IKBKB-DT: variants seen among roughly 807,000 people sequenced by gnomAD.
IKBKB-DT encodes the protein IKBKB divergent transcript, also known as IKBKB antisense RNA.
At chr8:42,269,169 A>T (rs77634596) in intron 1 of IKBKB-DT, among the ~76,000 whole-genome samples, 187 of 150,930 alleles carry the variant, frequency 1.2e-3, no homozygotes, top group Non-Finnish European at 2.3e-3. Flanking sequence ...AAAATTTAAA[A>T]ATTAGCTGGT....
chr8:42,262,569 A>G (rs947457976), intron 3 of IKBKB-DT, among the ~76,000 whole-genome samples: 7 of 151,878 alleles, frequency 4.6e-5, no homozygotes, highest in Non-Finnish European at 1.0e-4. Context: ...CCTCCTGAGT[A>G]GCTGGGACTA....
chr8:42,241,785 A>G (rs938731450), intron 3 of IKBKB-DT, among the ~76,000 whole-genome samples: 2 of 152,210 alleles, frequency 1.3e-5, no homozygotes, highest in Non-Finnish European at 1.5e-5. Flanking sequence ...CAGTGGTAAA[A>G]GTCATGTTAA....
rs1044006086 is a variant in IKBKB-DT, at chr8:42,235,738, C to T, written n.1530-1879G>A. 6.0e-4 allele frequency among the ~76,000 whole-genome samples: 92 copies of T among 152,146 alleles called. 4 individuals carry two copies. Among genetic ancestry groups the T allele is most frequent in the Admixed American group, 3.3e-4 (5 of 15,278 alleles). On this transcript the variant is annotated intron_variant and non_coding_transcript_variant, in intron 3 of 3. Transcript: ENST00000518213. ...ATTTGAGTAATAACTTCATCTCCCA[C>T]GTGGCATGGCCAGCGTCATGTCAAT...
At chr8:42,236,962 C>T (rs73633282) in intron 3 of IKBKB-DT, among the ~76,000 whole-genome samples, 8,044 of 152,078 alleles carry the variant, frequency 0.053, 688 homozygotes, top group African/African-American at 0.18. Context: ...TCAAGTAATC[C>T]TTCCACCTCG....
At chr8:42,262,426 T>TTTTATTTATTTATTTA (rs57144579) in intron 3 of IKBKB-DT, among the ~76,000 whole-genome samples, 4,533 of 144,332 alleles carry the variant, frequency 0.031, 110 homozygotes, top group African/African-American at 0.061. Context: ...TACCACATTC[T>TTTTATTTATTTATTTA]TTTATTTATT....
chr8:42,263,011 G>A (rs1807311808), intron 3 of IKBKB-DT, among the ~76,000 whole-genome samples: 1 of 152,086 alleles, frequency 6.6e-6, no homozygotes, highest in Admixed American at 6.6e-5. Context: ...AAAGTGCTGA[G>A]ATTACAGGCA....
chr8:42,235,330 A>G (rs1309750986), intron 3 of IKBKB-DT, among the ~76,000 whole-genome samples: 3 of 150,280 alleles, frequency 2.0e-5, no homozygotes, highest in Non-Finnish European at 3.0e-5. Context: ...TCAGCCTCCC[A>G]AGTAGCTGGG....
At chr8:42,257,430 G>A (rs1044972230) in intron 3 of IKBKB-DT, among the ~76,000 whole-genome samples, 1 of 151,974 alleles carries the variant, frequency 6.6e-6, no homozygotes, top group African/African-American at 2.4e-5. Flanking sequence ...TGAACCCGGA[G>A]GTGGAGGTTA....
chr8:42,246,314 C>T (rs947827462), intron 3 of IKBKB-DT, among the ~76,000 whole-genome samples: 3 of 152,136 alleles, frequency 2.0e-5, no homozygotes, highest in African/African-American at 7.2e-5. Flanking sequence ...AGGTGTAAGC[C>T]ACAGTGCCCA....
chr8:42,259,915 G>A lies in IKBKB-DT; in HGVS notation n.1529+3414C>T, dbSNP rs191737660. Among the ~76,000 whole-genome samples, 790 of 151,374 alleles carry A rather than the reference G, an allele frequency of 5.2e-3. 2 individuals carry two copies. The highest frequency in any genetic ancestry group is 8.0e-3 in the Non-Finnish European group (545 of 67,912). ...GAGAATTGCTTGAACCCCAGAGGCG[G>A]AGGTTGCAGTGAGCTGAGATTGTGC... On this transcript the variant is annotated intron_variant and non_coding_transcript_variant, in intron 3 of 3. Transcript: ENST00000518213.
chr8:42,251,994 C>T (rs1011317903), intron 3 of IKBKB-DT, among the ~76,000 whole-genome samples: 3 of 152,142 alleles, frequency 2.0e-5, no homozygotes, highest in African/African-American at 7.2e-5. Context: ...AAGCTGCAGA[C>T]ATAGATAAGC....
At chr8:42,251,468 A>G (rs555464949) in intron 3 of IKBKB-DT, among the ~76,000 whole-genome samples, 2 of 152,342 alleles carry the variant, frequency 1.3e-5, no homozygotes, top group South Asian at 2.1e-4. Context: ...AGGAAGGGGC[A>G]TAGGCTGTGA....
intron 1 of IKBKB-DT, among the ~76,000 whole-genome samples, chr8:42,266,571 A>C (rs1807371932): frequency 6.6e-6 from 1 of 152,214 alleles, no homozygotes; most frequent in Non-Finnish European, 1.5e-5. Context: ...GAGCAACTCC[A>C]TCTTGAATAG....
exon 1 of IKBKB-DT, chr8:42,271,237 T>G (rs1807636890): frequency 7.5e-6 from 5 of 666,928 alleles, no homozygotes; most frequent in Non-Finnish European, 2.7e-6. Context: ...ACTCGCAGCA[T>G]CCGGACCTGG....
At chr8:42,262,426 T>TTTATTTATTTATTTA (rs1807302267) in intron 3 of IKBKB-DT, among the ~76,000 whole-genome samples, 4 of 144,286 alleles carry the variant, frequency 2.8e-5, no homozygotes, top group African/African-American at 8.5e-5. Context: ...TACCACATTC[T>TTTATTTATTTATTTA]TTTATTTATT....
At chr8:42,244,389 G>C (rs1413983050) in intron 3 of IKBKB-DT, among the ~76,000 whole-genome samples, 1 of 152,166 alleles carries the variant, frequency 6.6e-6, no homozygotes, top group East Asian at 1.9e-4. Context: ...TTCCAGCACT[G>C]TGTCATTGGT....
intron 3 of IKBKB-DT, among the ~76,000 whole-genome samples, chr8:42,248,126 C>T (rs963210250): frequency 1.3e-5 from 2 of 151,966 alleles, no homozygotes; most frequent in Non-Finnish European, 1.5e-5. Context: ...GTCTTCTTCT[C>T]CTTCCACCAG....
intron 3 of IKBKB-DT, among the ~76,000 whole-genome samples, chr8:42,260,080 G>A (rs76192070): frequency 0.02 from 2,991 of 152,086 alleles, 102 homozygotes; most frequent in South Asian, 0.14. Context: ...GCAACGGGAA[G>A]GAAGAGGTTG....
At chr8:42,238,178 T>C (rs1285723198) in intron 3 of IKBKB-DT, among the ~76,000 whole-genome samples, 4 of 151,942 alleles carry the variant, frequency 2.6e-5, no homozygotes, top group Non-Finnish European at 5.9e-5. Context: ...GTGGAAACCA[T>C]TGTCCCTGCC....
Sources: gnomAD v4.1 joint callset for allele counts (sites outside exome capture counted in the v4.1 genomes callset) on GRCh38, gnomAD v4.1.1 for gene constraint, MANE v1.5 for transcripts, NCBI Gene and HGNC (gene_info 2026-07-23, HGNC 2026-07-21) for gene names.